RGS14: variants seen among roughly 807,000 people sequenced by gnomAD.
RGS14 encodes regulator of G protein signaling 14.
In RGS14, 33 loss-of-function variants were observed where a neutral mutation model predicts 63.8. The observed-to-expected ratio is 0.52, with a 90% CI of 0.39 to 0.69. RGS14 has a LOEUF of 0.69. Ranked by LOEUF, RGS14 falls within the 30% of genes least tolerant of loss-of-function variation. The probability of loss-of-function intolerance (pLI) is 0.00; values close to 1 mark genes in which losing one functional copy is unlikely to be tolerated. For missense variants in RGS14, 739 were observed against 742.9 expected, an observed-to-expected ratio of 0.99 and a Z score of 0.06; for synonymous variants, 296 against 320.9, an observed-to-expected ratio of 0.92 and a Z score of 0.83.
rs961794660 is a variant in RGS14 at position 177,359,567 on chromosome 5, C to A, written c.45+1498C>A. Among the ~76,000 whole-genome samples the A allele has an allele frequency of 2.6e-5, 4 of 152,214 alleles. No individual in the cohort carries two copies. Among genetic ancestry groups the A allele is most frequent in the Non-Finnish European group, 4.4e-5 (3 of 68,022 alleles). On this transcript the variant is annotated intron_variant, in intron 1 of 14. Coordinates refer to ENST00000408923, the MANE Select transcript of RGS14 (RefSeq NM_006480.5). This position sits in a 1 kb window ranked among gnomAD's most constrained non-coding sequence, Gnocchi z 4.4. ...CTGTGACTTCTCTACTCAAAAGTCACCTAGAGCAGGGAGGGTGCCCCAAGG... is the reference window on the plus strand; with the variant it reads ...CTGTGACTTCTCTACTCAAAAGTCAACTAGAGCAGGGAGGGTGCCCCAAGG...
rs564237477 is a variant in RGS14, at chr5:177,358,028, C to A, written c.4C>A (p.Pro2Thr). ...GGGACCCCTGATCGGCAGCGGCATG[C>A]CAGGGAAGCCCAAGCACCTGGGCGT... is the stretch of plus-strand genomic sequence containing the variant. Reference protein sequence around the residue: MPGKPKHLGVPN... With the variant: MTGKPKHLGVPN... Residue 2 changes from proline to threonine, a missense_variant, in exon 1 of 15, where the codon CCA becomes ACA. Pro to Thr is a conservative substitution (Grantham distance 38). Coordinates refer to ENST00000408923, the MANE Select transcript of RGS14 (RefSeq NM_006480.5). The surrounding 1 kb of genome is among the most constrained non-coding windows in gnomAD (Gnocchi z 4.8). 3.7e-6 allele frequency: 5 copies of A among 1,358,400 alleles called. No individual in the cohort carries two copies. The East Asian group carries it at 1.5e-4, about 39-fold the overall frequency. The allele number at this position is 1,358,400 out of a possible 1,614,324, so 84.1% of individuals were successfully genotyped here.
Position 177,370,964 on chromosome 5 carries a change from T to C in RGS14, c.1187T>C (p.Leu396Pro), listed in dbSNP as rs1252344672. ...ATCTCAGCCAAGCCCACCAAGCGGC[T>C]GCAGGAGGCGCTGCAGCCCATTCTG... ...VRISAKPTKR[L>P]QEALQPILEK... Residue 396 changes from leucine (L) to proline (P), a missense_variant, in exon 11 of 15, where the codon CTG (leucine) becomes CCG (proline). By Grantham distance (98) the Leu-to-Pro change is moderately conservative (BLOSUM62 -3). Coordinates refer to ENST00000408923, the MANE Select transcript of RGS14 (RefSeq NM_006480.5). The C allele has an allele frequency of 3.1e-6, 5 of 1,607,564 alleles. No individual in the cohort carries two copies. The highest frequency in any genetic ancestry group is 4.2e-6 in the Non-Finnish European group (5 of 1,179,492).
chr5:177,366,812 G>A lies in RGS14; in HGVS notation c.339+12G>A, dbSNP rs1411398775. The A allele has an allele frequency of 1.2e-6, 2 of 1,614,136 alleles. No individual in the cohort carries two copies. Among genetic ancestry groups the A allele is most frequent in the South Asian group, 2.2e-5 (2 of 91,080 alleles). The stretch of plus-strand genomic sequence containing the variant: ...GCGATACCCAGCAGGTGGGGGAAGG[G>A]GGAGCTGGGGCCGAGGGCTGGGGAG... On this transcript the variant is annotated intron_variant, in intron 4 of 14. Transcript: ENST00000408923.
chr5:177,368,405 TC>T, intron 8 of RGS14, 139 bp downstream of exon 8: 6 of 896,476 alleles, frequency 6.7e-6, no homozygotes, highest in Non-Finnish European at 8.3e-6. Context: ...CCCTTCAGCC[TC>T]CTTACTTGTC....
Position 177,371,096 on chromosome 5 carries a change from GCCGGGGC to G in RGS14, c.1254+67_1255-61del, listed in dbSNP as rs1561618888. ...GGCCGGGGCCGGGGCCGGGGCCGGG[GCCGGGGC>G]CGGGGCCGGGGCCGGGGCCGGGCGG... is the stretch of plus-strand genomic sequence containing the variant. On this transcript the variant is annotated intron_variant, in intron 11 of 14. Transcript: ENST00000408923. The surrounding 1 kb of genome is among the most constrained non-coding windows in gnomAD (Gnocchi z 6.1). 90 of 841,744 alleles carry G rather than the reference GCCGGGGC, an allele frequency of 1.1e-4. 2 individuals are homozygous for G. The African/African-American group carries it at 1.9e-3, about 18-fold the overall frequency. The allele number at this position is 841,744 out of a possible 1,614,324, so 52.1% of individuals were successfully genotyped here.
intron 5 of RGS14, 107 bp from the exon 6 acceptor site, chr5:177,367,307 C>T: frequency 7.1e-7 from 1 of 1,413,918 alleles, no homozygotes; most frequent in Non-Finnish European, 9.5e-7. Context: ...TTGGGAAATC[C>T]AGCCCTAGGT....
At position 177,358,425 on chromosome 5, in the gene RGS14, C is replaced by T. The variant is rs541796462; in HGVS notation, c.45+356C>T. ...ATCCCCACAGTGGCTCAAGCCCCTA[C>T]ATCCCGCTCAGCCTGAGTCCTCCCC... On this transcript the variant is annotated intron_variant, in intron 1 of 14. Transcript: ENST00000408923. This position sits in a 1 kb window ranked among gnomAD's most constrained non-coding sequence, Gnocchi z 4.8. 6.7e-4 allele frequency among the ~76,000 whole-genome samples: 102 copies of T among 152,298 alleles called. No individual in the cohort carries two copies. The highest frequency in any genetic ancestry group is 2.2e-3 in the African/African-American group (91 of 41,572).
rs1762228345 is a variant in RGS14, at chr5:177,370,949, A to G, written c.1172A>G (p.Lys391Arg). 1.2e-6 allele frequency: 2 copies of G among 1,608,014 alleles called. No individual in the cohort carries two copies. Among genetic ancestry groups the G allele is most frequent in the Admixed American group, 1.7e-5 (1 of 59,984 alleles). Residue 391 changes from lysine (K) to arginine (R), a missense_variant, in exon 11 of 15, where the codon AAG becomes AGG. Coordinates refer to ENST00000408923, the MANE Select transcript of RGS14 (RefSeq NM_006480.5). Reference protein sequence around the residue: ...ALERVVRISAKPTKRLQEALQ... With the variant: ...ALERVVRISARPTKRLQEALQ... ...GAGCGCGTGGTACGAATCTCAGCCA[A>G]GCCCACCAAGCGGCTGCAGGAGGCG...
At position 177,371,769 on chromosome 5, in the gene RGS14, C is replaced by A; in HGVS notation, c.1499-104C>A. ...AACAGGGGGCCGCAGGCCATTGGTG[C>A]TGGGGCCAGGGAGGCAGTGGCCACA... On this transcript the variant is annotated intron_variant, in intron 14 of 14. Coordinates refer to ENST00000408923, the MANE Select transcript of RGS14 (RefSeq NM_006480.5). The surrounding 1 kb of genome is among the most constrained non-coding windows in gnomAD (Gnocchi z 6.1). 1 of 1,351,074 alleles carries A rather than the reference C, an allele frequency of 7.4e-7. No homozygotes were observed. The highest frequency in any genetic ancestry group is 1.0e-6 in the Non-Finnish European group (1 of 976,864). The allele number at this position is 1,351,074 out of a possible 1,614,324, so 83.7% of individuals were successfully genotyped here.
chr5:177,366,225 GCT>G lies in RGS14; in HGVS notation c.122_123del (p.Leu41GlnfsTer42). On this transcript the variant is annotated frameshift_variant, in exon 3 of 15. Coordinates refer to ENST00000408923, the MANE Select transcript of RGS14 (RefSeq NM_006480.5). LOFTEE classifies it high-confidence loss of function. ...CAGGGCCAGGGCGAGGGCCGCGGCA[GCT>G]CTCTCAGCATCCACAGCCTCCCCAG... is the stretch of plus-strand genomic sequence containing the variant. 6.2e-7 allele frequency: 1 copy of G among 1,600,076 alleles called. No homozygotes were observed. The highest frequency in any genetic ancestry group is 8.5e-7 in the Non-Finnish European group (1 of 1,174,550).
At chr5:177,370,690 G>A (rs1762218618) in intron 10 of RGS14, 26 bp downstream of exon 10, 1 of 1,611,494 alleles carries the variant, frequency 6.2e-7, no homozygotes, top group South Asian at 1.1e-5. Context: ...CCAAGTCTGG[G>A]TCCCAGGTCC....
In RGS14 at chr5:177,360,177, C is replaced by G. The variant is rs78083952; in HGVS notation, c.45+2108C>G. 4.5e-3 allele frequency among the ~76,000 whole-genome samples: 688 copies of G among 152,250 alleles called. 4 individuals are homozygous for G. Among genetic ancestry groups the G allele is most frequent in the South Asian group, 8.9e-3 (43 of 4,820 alleles). ...TATTCACTCATTCATTCAACAACCC[C>G]TCCTTAGTGCCTGCTTGGTGCTGCC... On this transcript the variant is annotated intron_variant, in intron 1 of 14. Coordinates refer to ENST00000408923, the MANE Select transcript of RGS14 (RefSeq NM_006480.5).
chr5:177,367,078 G>A, intron 5 of RGS14, 44 bp downstream of exon 5: 2 of 1,573,118 alleles, frequency 1.3e-6, no homozygotes, highest in Non-Finnish European at 1.7e-6. Flanking sequence ...GAGACAAAAG[G>A]AGCAGGGGCG....
rs1387459373 is a variant in RGS14, at chr5:177,372,352, C to G, written c.*277C>G. 9.8e-6 allele frequency: 4 copies of G among 409,244 alleles called. No homozygotes were observed. The highest frequency in any genetic ancestry group is 8.2e-5 in the African/African-American group (4 of 49,046). The allele number at this position is 409,244 out of a possible 1,614,324, so 25.4% of individuals were successfully genotyped here. On this transcript the variant is annotated 3_prime_UTR_variant, in exon 15 of 15. Coordinates refer to ENST00000408923, the MANE Select transcript of RGS14 (RefSeq NM_006480.5). ...AGCCCCTTGGAACAGGCTTGCCCAA[C>G]ATGGAGGGATGGCGTTGGCAGTGCC...
At position 177,370,341 on chromosome 5, in the gene RGS14, C is replaced by T. The variant is rs977506024; in HGVS notation, c.1054-250C>T. Among the ~76,000 whole-genome samples the T allele has an allele frequency of 5.3e-5, 8 of 152,326 alleles. 1 individual carries two copies. The highest frequency in any genetic ancestry group is 4.8e-5 in the African/African-American group (2 of 41,586). On this transcript the variant is annotated intron_variant, in intron 9 of 14. Transcript: ENST00000408923. Reference sequence around the variant, plus strand: ...ATTTCATGCCAGCAGCTACGTTTCTCGTAATTTCTGTCCTTTCCCAAGAAT... The same window carrying T: ...ATTTCATGCCAGCAGCTACGTTTCTTGTAATTTCTGTCCTTTCCCAAGAAT...
intron 9 of RGS14, 48 bp downstream of exon 9, chr5:177,368,968 C>A: frequency 6.4e-7 from 1 of 1,565,226 alleles, no homozygotes; most frequent in Non-Finnish European, 8.8e-7. Flanking sequence ...CTGATCCTGA[C>A]CCCAACTCCA....
chr5:177,368,644 C>A, intron 8 of RGS14, 73 bp from the exon 9 acceptor site: 1 of 1,493,108 alleles, frequency 6.7e-7, no homozygotes, highest in Non-Finnish European at 9.3e-7. Flanking sequence ...AGCAAGCTTA[C>A]CTATCTCTGT....
At chr5:177,370,830 C>T (rs557237189) in intron 10 of RGS14, 75 bp from the exon 11 acceptor site, 8 of 1,576,516 alleles carry the variant, frequency 5.1e-6, no homozygotes, top group Non-Finnish European at 6.9e-6. Context: ...AGCTCCACCC[C>T]CTCGCGTTTG....
rs1010609682 is a variant in RGS14 at position 177,365,872 on chromosome 5, C to G, written c.46-91C>G. On this transcript the variant is annotated intron_variant, in intron 1 of 14. Coordinates refer to ENST00000408923, the MANE Select transcript of RGS14 (RefSeq NM_006480.5). ...CCGGGGATGCCCAGGTGGAGGAGAA[C>G]GCAGTTCCAGCTCCTGGGAGTCGGG... The G allele has an allele frequency of 9.1e-6, 12 of 1,319,744 alleles. No homozygotes were observed. In the South Asian group the frequency reaches 1.4e-4, roughly 16 times the overall value. The allele number at this position is 1,319,744 out of a possible 1,614,324, so 81.8% of individuals were successfully genotyped here. A position where few individuals can be genotyped will look rare whatever the true frequency, so the allele number is the denominator to read the frequency against.
Sources: gnomAD v4.1 joint callset for allele counts (sites outside exome capture counted in the v4.1 genomes callset) on GRCh38, gnomAD v4.1.1 for gene constraint, Gnocchi (gnomAD v3.1) non-coding constraint, MANE v1.5 for transcripts, NCBI Gene and HGNC (gene_info 2026-07-23, HGNC 2026-07-21) for gene names.